The following DACH2 variants were observed in gnomAD, a reference collection of about 807,000 sequenced individuals.
The protein encoded by DACH2 is dachshund homolog 2.
In DACH2, 17 loss-of-function variants were observed where a neutral mutation model predicts 35.8. That is an observed-to-expected ratio of 0.48 (90% confidence interval 0.33 to 0.71). The LOEUF (loss-of-function observed/expected upper bound fraction) is 0.71. Among genes scored for constraint, DACH2 ranks in the 30% least tolerant of loss-of-function variants. The pLI, the probability that DACH2 is intolerant of heterozygous loss-of-function variation, is 0.02. For missense variants in DACH2, 469 were observed against 472.7 expected, an observed-to-expected ratio of 0.99 and a Z score of 0.07; for synonymous variants, 195 against 177.3, an observed-to-expected ratio of 1.10 and a Z score of -0.79.
intron 7 of DACH2, among the ~76,000 whole-genome samples, chrX:86,767,362 T>C (rs958193696): frequency 8.9e-6 from 1 of 111,856 alleles, no homozygotes. Flanking sequence ...CTTTCCTTCC[T>C]AGTTTGAGCA....
intron 3 of DACH2, among the ~76,000 whole-genome samples, chrX:86,554,043 G>A (rs1481089309): frequency 1.8e-5 from 2 of 111,217 alleles, no homozygotes; most frequent in Non-Finnish European, 3.8e-5. Flanking sequence ...TTGCATGTGT[G>A]TGTGTGTGTA....
At chrX:86,223,088 A>G (rs2032749992) in intron 1 of DACH2, among the ~76,000 whole-genome samples, 1 of 111,835 alleles carries the variant, frequency 8.9e-6, no homozygotes, top group South Asian at 3.7e-4. Flanking sequence ...TTACAAAGTG[A>G]AGGGTATTTC....
intron 7 of DACH2, among the ~76,000 whole-genome samples, chrX:86,812,591 T>G (rs2042404981): frequency 8.9e-6 from 1 of 111,802 alleles, no homozygotes; most frequent in Non-Finnish European, 1.9e-5. Context: ...AAGCACATAT[T>G]GTCAATTGTA....
chrX:86,372,260 TA>T, intron 1 of DACH2, among the ~76,000 whole-genome samples: 1 of 111,273 alleles, frequency 9.0e-6, no homozygotes, highest in East Asian at 2.8e-4. Context: ...TCTTCATTAA[TA>T]AAAGTACATA....
At chrX:86,160,160 G>A in intron 1 of DACH2, 1 of 911,488 alleles carries the variant, frequency 1.1e-6, no homozygotes, top group Non-Finnish European at 1.5e-6. Context: ...ATGGCCCATT[G>A]AAACAAACAG....
At chrX:86,438,657 A>G in intron 2 of DACH2, among the ~76,000 whole-genome samples, 1 of 112,453 alleles carries the variant, frequency 8.9e-6, no homozygotes, top group East Asian at 2.8e-4. Context: ...GTTGCAATGA[A>G]CATAGACATG....
chrX:86,223,856 A>T (rs1164356512), intron 1 of DACH2, among the ~76,000 whole-genome samples: 1 of 112,535 alleles, frequency 8.9e-6, no homozygotes, highest in Non-Finnish European at 1.9e-5. Flanking sequence ...TGTTGTGTAT[A>T]CATTCTAAAG....
intron 3 of DACH2, among the ~76,000 whole-genome samples, chrX:86,594,898 G>A (rs2039693214): frequency 9.0e-6 from 1 of 111,161 alleles, no homozygotes; most frequent in Non-Finnish European, 1.9e-5. Context: ...TATAACAATG[G>A]GTTCATTTTT....
chrX:86,190,057 G>A (rs895762812), intron 1 of DACH2, among the ~76,000 whole-genome samples: 2 of 109,346 alleles, frequency 1.8e-5, no homozygotes, highest in Non-Finnish European at 3.8e-5. Context: ...CCAGCTACTT[G>A]GGAGGTTGAG....
At chrX:86,753,114 T>C (rs1166794561) in intron 7 of DACH2, among the ~76,000 whole-genome samples, 1 of 110,770 alleles carries the variant, frequency 9.0e-6, no homozygotes, top group African/African-American at 3.3e-5. Context: ...TCATTTATTG[T>C]TTTAAAATGG....
At chrX:86,254,807 T>TATATATATATATAGAGAGAGAGAGAGAG (rs1380613474) in intron 1 of DACH2, among the ~76,000 whole-genome samples, 4 of 49,660 alleles carry the variant, frequency 8.1e-5, no homozygotes, top group African/African-American at 4.7e-4. Context: ...TATATATATA[T>TATATATATATATAGAGAGAGAGAGAGAG]AGAGAGAGAG....
chrX:86,752,416 AATAG>A (rs892754587), intron 7 of DACH2, among the ~76,000 whole-genome samples: 1 of 111,526 alleles, frequency 9.0e-6, no homozygotes, highest in Non-Finnish European at 1.9e-5. Context: ...GAAATAAATA[AATAG>A]ATATATATAT....
At chrX:86,801,468 C>T (rs5922293) in intron 7 of DACH2, among the ~76,000 whole-genome samples, 1,729 of 111,531 alleles carry the variant, frequency 0.016, 22 homozygotes, top group Non-Finnish European at 0.024. Context: ...TGTGCACATA[C>T]GTGGGTGTGC....
At chrX:86,520,809 G>A (rs1187373748) in intron 3 of DACH2, among the ~76,000 whole-genome samples, 1 of 111,209 alleles carries the variant, frequency 9.0e-6, no homozygotes, top group Non-Finnish European at 1.9e-5. Flanking sequence ...TTGTGAGATG[G>A]GTCTCTTGAA....
chrX:86,499,212 T>C (rs973692481), intron 2 of DACH2, among the ~76,000 whole-genome samples: 15 of 112,148 alleles, frequency 1.3e-4, no homozygotes, highest in Admixed American at 4.7e-4. Flanking sequence ...TTTAGCATGC[T>C]ATTCATTGAC....
At chrX:86,399,516 G>T (rs1179195862) in intron 2 of DACH2, among the ~76,000 whole-genome samples, 3 of 111,772 alleles carry the variant, frequency 2.7e-5, no homozygotes, top group Admixed American at 1.9e-4. Context: ...GCAGTGGCCG[G>T]TACCAGTTGT....
chrX:86,652,013 G>A (rs1342736255), intron 4 of DACH2, among the ~76,000 whole-genome samples: 1 of 111,472 alleles, frequency 9.0e-6, no homozygotes, highest in East Asian at 2.8e-4. Flanking sequence ...TTGGGGGTTT[G>A]GTGTACATAC....
intron 1 of DACH2, among the ~76,000 whole-genome samples, chrX:86,325,410 C>A (rs897392309): frequency 8.1e-5 from 9 of 111,407 alleles, no homozygotes; most frequent in African/African-American, 2.6e-4. Context: ...ATTTTAATAT[C>A]AAGTTAGATG....
intron 1 of DACH2, among the ~76,000 whole-genome samples, chrX:86,318,262 T>C (rs755571243): frequency 2.7e-5 from 3 of 111,681 alleles, no homozygotes; most frequent in East Asian, 2.9e-4. Context: ...AAAATTGCTT[T>C]AGTTTTCTAT....
Sources: gnomAD v4.1 joint callset for allele counts (sites outside exome capture counted in the v4.1 genomes callset) on GRCh38, gnomAD v4.1.1 for gene constraint, MANE v1.5 for transcripts, NCBI Gene and HGNC (gene_info 2026-07-23, HGNC 2026-07-21) for gene names.